CNTNAP2: variants seen among roughly 807,000 people sequenced by gnomAD.
CNTNAP2 encodes contactin associated protein 2.
In CNTNAP2, 98 loss-of-function variants were observed where a neutral mutation model predicts 155.2. The ratio of observed to expected loss-of-function variants is 0.63; its 90% CI spans 0.54 to 0.75. The LOEUF is 0.75. Among genes scored for constraint, CNTNAP2 ranks in the 30% least tolerant of loss-of-function variants. The probability of loss-of-function intolerance (pLI) is 0.00; values close to 1 mark genes in which losing one functional copy is unlikely to be tolerated. For missense variants in CNTNAP2, 1,727 were observed against 1,688.1 expected, an observed-to-expected ratio of 1.02 and a Z score of -0.40; for synonymous variants, 651 against 631.2, an observed-to-expected ratio of 1.03 and a Z score of -0.47.
intron 22 of CNTNAP2, among the ~76,000 whole-genome samples, chr7:148,395,681 A>AAC (rs1487215627): frequency 6.6e-6 from 1 of 152,120 alleles, no homozygotes; most frequent in Non-Finnish European, 1.5e-5. Flanking sequence ...TTCAGCATCG[A>AAC]ACACCTCACA....
chr7:147,419,965 C>T (rs1218574276), intron 10 of CNTNAP2, among the ~76,000 whole-genome samples: 4 of 152,082 alleles, frequency 2.6e-5, no homozygotes, highest in African/African-American at 2.4e-5. Flanking sequence ...ATTTCCTTCC[C>T]GACCCAGACA....
Position 146,639,972 on chromosome 7 carries a change from T to C in CNTNAP2, c.98-134299T>C, listed in dbSNP as rs543125281. 2.1e-4 allele frequency among the ~76,000 whole-genome samples: 32 copies of C among 152,262 alleles called. No homozygotes were observed. The East Asian group carries it at 2.7e-3, about 13-fold the overall frequency. On this transcript the variant is annotated intron_variant, in intron 1 of 23. Coordinates refer to ENST00000361727, the MANE Select transcript of CNTNAP2 (RefSeq NM_014141.6). ...CTTAGTAGCTTTTGAAGCTTCACCA[T>C]TGAGGATGTGCATTTTTAAAGATGG...
At chr7:146,844,668 G>A (rs1205846751) in intron 3 of CNTNAP2, among the ~76,000 whole-genome samples, 1 of 152,100 alleles carries the variant, frequency 6.6e-6, no homozygotes, top group African/African-American at 2.4e-5. Flanking sequence ...AGCCAAAATA[G>A]GAAACTGGAG....
intron 1 of CNTNAP2, among the ~76,000 whole-genome samples, chr7:146,481,239 A>G (rs1404026507): frequency 6.6e-6 from 1 of 152,200 alleles, no homozygotes; most frequent in Non-Finnish European, 1.5e-5. Context: ...ATCAGTCCTC[A>G]CCAGTCCTAA....
intron 1 of CNTNAP2, among the ~76,000 whole-genome samples, chr7:146,250,887 A>T (rs2116942983): frequency 6.6e-6 from 1 of 152,262 alleles, no homozygotes; most frequent in South Asian, 2.1e-4. Context: ...AAAGATATAA[A>T]ATTACCATGC....
chr7:147,941,096 A>G (rs1800713121), intron 14 of CNTNAP2, among the ~76,000 whole-genome samples: 1 of 152,196 alleles, frequency 6.6e-6, no homozygotes. Context: ...ATGTGGCCAC[A>G]GTCTGGCGCT....
intron 13 of CNTNAP2, among the ~76,000 whole-genome samples, chr7:147,807,197 C>T (rs1197426526): frequency 1.3e-5 from 2 of 151,462 alleles, no homozygotes; most frequent in Admixed American, 1.3e-4. Flanking sequence ...AGGGTGTATG[C>T]CTGTGGTCCC....
chr7:146,714,759 G>T (rs961129318), intron 1 of CNTNAP2, among the ~76,000 whole-genome samples: 1 of 152,098 alleles, frequency 6.6e-6, no homozygotes, highest in Non-Finnish European at 1.5e-5. Context: ...AAGATAAACA[G>T]ATACTTGATG....
intron 10 of CNTNAP2, among the ~76,000 whole-genome samples, chr7:147,475,712 G>A (rs1226073585): frequency 1.3e-5 from 2 of 151,888 alleles, no homozygotes; most frequent in Admixed American, 6.6e-5. Flanking sequence ...CTCTATATTA[G>A]TTGTTTATAA....
chr7:148,036,694 C>T (rs766274699), intron 15 of CNTNAP2, among the ~76,000 whole-genome samples: 8 of 152,150 alleles, frequency 5.3e-5, no homozygotes, highest in South Asian at 2.1e-4. Flanking sequence ...TGGACTAAGA[C>T]GAGCAGTTAT....
intron 1 of CNTNAP2, among the ~76,000 whole-genome samples, chr7:146,455,220 A>T (rs776287831): frequency 2.0e-4 from 30 of 152,220 alleles, no homozygotes; most frequent in Non-Finnish European, 3.4e-4. Context: ...CCTTGCAGAG[A>T]ACAGTATCTC....
chr7:147,108,004 A>C, intron 4 of CNTNAP2, 143 bp from the exon 5 acceptor site: 1 of 708,266 alleles, frequency 1.4e-6, no homozygotes, highest in Non-Finnish European at 2.4e-6. Flanking sequence ...AAATCAAAAG[A>C]AGGAATAGAA....
intron 1 of CNTNAP2, among the ~76,000 whole-genome samples, chr7:146,373,925 A>G (rs2129103312): frequency 6.6e-6 from 1 of 152,280 alleles, no homozygotes; most frequent in African/African-American, 2.4e-5. Context: ...ACATTCCTAA[A>G]CAGGTTTGAG....
chr7:148,249,288 G>A (rs1038957673), intron 20 of CNTNAP2, among the ~76,000 whole-genome samples: 2 of 152,118 alleles, frequency 1.3e-5, no homozygotes, highest in African/African-American at 2.4e-5. Context: ...CCACTTAAAG[G>A]CAGCATCTGA....
intron 13 of CNTNAP2, among the ~76,000 whole-genome samples, chr7:147,898,915 C>T (rs1212414665): frequency 2.6e-5 from 4 of 152,202 alleles, no homozygotes; most frequent in Admixed American, 6.5e-5. Context: ...AACCTCTGTT[C>T]TCTTAGCATA....
intron 15 of CNTNAP2, among the ~76,000 whole-genome samples, chr7:148,019,364 G>T (rs527946404): frequency 6.6e-6 from 1 of 152,304 alleles, no homozygotes; most frequent in South Asian, 2.1e-4. Context: ...TGCAGGTGTG[G>T]AATGCTGCTT....
chr7:148,325,189 C>A (rs1387789278), intron 21 of CNTNAP2, among the ~76,000 whole-genome samples: 2 of 152,194 alleles, frequency 1.3e-5, no homozygotes, highest in Non-Finnish European at 2.9e-5. Flanking sequence ...GCCTTGAAAG[C>A]AGTAATATAG....
intron 1 of CNTNAP2, among the ~76,000 whole-genome samples, chr7:146,757,106 T>C (rs1183418567): frequency 6.6e-6 from 1 of 152,088 alleles, no homozygotes; most frequent in Admixed American, 6.6e-5. Flanking sequence ...CAATTTTTCA[T>C]GAAAAAGAAC....
At chr7:148,224,253 G>A (rs193052132) in intron 19 of CNTNAP2, among the ~76,000 whole-genome samples, 20 of 152,012 alleles carry the variant, frequency 1.3e-4, no homozygotes, top group Admixed American at 5.3e-4. Flanking sequence ...TTTTTTCTGC[G>A]TGTTGCCAAA....
Sources: gnomAD v4.1 joint callset for allele counts (sites outside exome capture counted in the v4.1 genomes callset) on GRCh38, gnomAD v4.1.1 for gene constraint, MANE v1.5 for transcripts, NCBI Gene and HGNC (gene_info 2026-07-23, HGNC 2026-07-21) for gene names.